PAM: variants seen among roughly 807,000 people sequenced by gnomAD.
PAM encodes the protein peptidyl-glycine alpha-amidating monooxygenase.
PAM carries 72 observed loss-of-function variants against 122.1 expected under a neutral mutation model. The observed-to-expected ratio is 0.59, with a 90% CI of 0.49 to 0.72. The LOEUF (loss-of-function observed/expected upper bound fraction) is 0.72, where lower values mean the gene tolerates loss of function less well. PAM is among the 30% of genes least tolerant of loss of function. The pLI is 0.00. For synonymous variants in PAM, 389 were observed against 404.4 expected (o/e 0.96, Z 0.46); for missense variants, 1,106 against 1,183.7 (o/e 0.93, Z 0.96).
At chr5:102,768,901 C>G (rs1445170885) in intron 1 of PAM, among the ~76,000 whole-genome samples, 1 of 152,040 alleles carries the variant, frequency 6.6e-6, no homozygotes, top group East Asian at 1.9e-4. Context: ...CTTATGGTAG[C>G]TCTAGTTTTT....
intron 3 of PAM, among the ~76,000 whole-genome samples, chr5:102,900,178 A>G (rs910154287): frequency 4.4e-5 from 6 of 137,420 alleles, no homozygotes; most frequent in Non-Finnish European, 6.1e-5. Context: ...GGGTGATAGG[A>G]TCACATGAGG....
intron 15 of PAM, among the ~76,000 whole-genome samples, chr5:102,975,473 T>C (rs1170295874): frequency 2.0e-5 from 3 of 152,200 alleles, no homozygotes; most frequent in Non-Finnish European, 4.4e-5. Context: ...TTTTTAACTT[T>C]TCATGTTTAA....
intron 14 of PAM, among the ~76,000 whole-genome samples, chr5:102,969,090 G>A (rs1486130843): frequency 1.3e-5 from 2 of 152,026 alleles, no homozygotes; most frequent in African/African-American, 2.4e-5. Flanking sequence ...GCCTGTCGGG[G>A]GGTAGGGGGC....
At chr5:102,918,978 A>G (rs1746418995) in intron 5 of PAM, among the ~76,000 whole-genome samples, 1 of 152,074 alleles carries the variant, frequency 6.6e-6, no homozygotes, top group Non-Finnish European at 1.5e-5. Context: ...TTCTAATGAC[A>G]CTTAGGACCA....
At chr5:103,026,780 T>C (rs536256415) in intron 24 of PAM, among the ~76,000 whole-genome samples, 2 of 152,258 alleles carry the variant, frequency 1.3e-5, no homozygotes, top group African/African-American at 2.4e-5. Flanking sequence ...AAAAAAGTTA[T>C]AGTAGAGGGT....
At chr5:102,991,466 T>C (rs1774050694) in intron 16 of PAM, among the ~76,000 whole-genome samples, 1 of 152,166 alleles carries the variant, frequency 6.6e-6, no homozygotes, top group Non-Finnish European at 1.5e-5. Context: ...CATATAACTA[T>C]GGGTCTCATT....
At chr5:102,763,563 A>G (rs1753022187) in intron 1 of PAM, among the ~76,000 whole-genome samples, 2 of 152,228 alleles carry the variant, frequency 1.3e-5, no homozygotes, top group African/African-American at 4.8e-5. Flanking sequence ...TGAATAGAAC[A>G]GTAGAATTTT....
At chr5:102,903,831 A>T (rs1374608756) in intron 4 of PAM, among the ~76,000 whole-genome samples, 2 of 151,592 alleles carry the variant, frequency 1.3e-5, no homozygotes, top group South Asian at 2.1e-4. Flanking sequence ...TGGAGCTGAA[A>T]TATAGCAAGA....
At chr5:102,764,995 GC>G (rs1753461913) in intron 1 of PAM, among the ~76,000 whole-genome samples, 1 of 152,038 alleles carries the variant, frequency 6.6e-6, no homozygotes, top group Non-Finnish European at 1.5e-5. Context: ...TCATCATGAA[GC>G]CTCTTTTCTT....
intron 3 of PAM, among the ~76,000 whole-genome samples, chr5:102,886,622 G>C (rs899987692): frequency 6.6e-6 from 1 of 151,964 alleles, no homozygotes; most frequent in Admixed American, 6.6e-5. Flanking sequence ...GCACCCTGTT[G>C]TATCACTCTT....
intron 13 of PAM, 98 bp from the exon 14 acceptor site, chr5:102,961,060 G>C (rs1762346004): frequency 6.0e-6 from 4 of 667,624 alleles, no homozygotes; most frequent in Non-Finnish European, 1.1e-5. Context: ...ACAAGACCCT[G>C]AATAGTATTT....
intron 3 of PAM, among the ~76,000 whole-genome samples, chr5:102,884,501 T>G (rs1280705409): frequency 1.3e-5 from 2 of 151,962 alleles, no homozygotes; most frequent in Non-Finnish European, 2.9e-5. Context: ...TCTTCTATTA[T>G]AGTCCGTCTG....
intron 1 of PAM, among the ~76,000 whole-genome samples, chr5:102,782,949 T>A (rs1485014944): frequency 6.6e-6 from 1 of 152,096 alleles, no homozygotes; most frequent in African/African-American, 2.4e-5. Flanking sequence ...AAGTTTTTAT[T>A]TCCCAGTTGG....
At chr5:102,828,923 T>G (rs892156700) in intron 1 of PAM, among the ~76,000 whole-genome samples, 251 of 151,000 alleles carry the variant, frequency 1.7e-3, no homozygotes, top group African/African-American at 5.8e-3. Context: ...TCAGGGTTTT[T>G]TTTTTTTTTT....
chr5:102,876,812 C>T (rs887239997), intron 3 of PAM, among the ~76,000 whole-genome samples: 1 of 152,218 alleles, frequency 6.6e-6, no homozygotes, highest in Non-Finnish European at 1.5e-5. Flanking sequence ...GGCAAAGGCT[C>T]TATTCTCAGG....
chr5:102,868,367 C>CT (rs1245093580), intron 3 of PAM, among the ~76,000 whole-genome samples: 1 of 152,082 alleles, frequency 6.6e-6, no homozygotes, highest in Non-Finnish European at 1.5e-5. Flanking sequence ...ACACATGGGC[C>CT]TTTTTTTGGG....
intron 14 of PAM, among the ~76,000 whole-genome samples, chr5:102,971,799 A>G (rs1765912202): frequency 6.6e-6 from 1 of 152,172 alleles, no homozygotes; most frequent in African/African-American, 2.4e-5. Flanking sequence ...GACTAAGAAA[A>G]TTGGTTAACA....
chr5:102,824,148 G>T (rs1772878448), intron 1 of PAM, among the ~76,000 whole-genome samples: 2 of 152,156 alleles, frequency 1.3e-5, no homozygotes, highest in African/African-American at 2.4e-5. Context: ...ACTTAATGCT[G>T]CATCTGGAAG....
intron 12 of PAM, among the ~76,000 whole-genome samples, chr5:102,952,218 C>T (rs954496743): frequency 6.6e-6 from 1 of 151,984 alleles, no homozygotes; most frequent in Non-Finnish European, 1.5e-5. Context: ...CAGTTTGCAG[C>T]GGGGAGGTTT....
Sources: gnomAD v4.1 joint callset for allele counts (sites outside exome capture counted in the v4.1 genomes callset) on GRCh38, gnomAD v4.1.1 for gene constraint, MANE v1.5 for transcripts, NCBI Gene and HGNC (gene_info 2026-07-23, HGNC 2026-07-21) for gene names.